The following GNAZ variants were observed in gnomAD, a reference collection of about 807,000 sequenced individuals.
The protein encoded by GNAZ is G protein subunit alpha z.
A neutral mutation model predicts 25.4 loss-of-function variants in GNAZ; 3 were observed. The ratio of observed to expected loss-of-function variants is 0.12; its 90% CI spans 0.05 to 0.30. The LOEUF (loss-of-function observed/expected upper bound fraction) is 0.30, where lower values mean the gene tolerates loss of function less well. Ranked by LOEUF, GNAZ falls within the 10% of genes least tolerant of loss-of-function variation. The pLI is 1.00. For missense variants in GNAZ, 241 were observed against 501.8 expected, an observed-to-expected ratio of 0.48 and a Z score of 4.97; for synonymous variants, 211 against 205.7, an observed-to-expected ratio of 1.03 and a Z score of -0.22.
Position 23,095,654 on chromosome 22 carries a change from C to A in GNAZ, c.-42C>A. On this transcript the variant is annotated 5_prime_UTR_variant, in exon 2 of 3. Transcript: ENST00000615612. ...TCCCCTGTGGCAAGAGGGAGAGGTG[C>A]CCCATCCCGTGCTCCTTGTCTGGGC... 1 of 1,558,984 alleles carries A rather than the reference C, an allele frequency of 6.4e-7. No homozygotes were observed. The highest frequency in any genetic ancestry group is 8.7e-7 in the Non-Finnish European group (1 of 1,154,828).
At chr22:23,082,526 G>GT (rs1447967189) in intron 1 of GNAZ, among the ~76,000 whole-genome samples, 3 of 151,814 alleles carry the variant, frequency 2.0e-5, no homozygotes, top group Admixed American at 2.0e-4. Flanking sequence ...GCCTCGTTGT[G>GT]TTTTTTTGTT....
chr22:23,095,950 C>G lies in GNAZ; in HGVS notation c.255C>G (p.Ile85Met). The change falls in exon 2 of 3, where the codon ATC becomes ATG. Residue 85 changes from isoleucine to methionine, a missense_variant. By Grantham distance (10) the Ile-to-Met change is conservative. Coordinates refer to ENST00000615612, the MANE Select transcript of GNAZ (RefSeq NM_002073.4). ...CCATCGACTCGCTGACCCGCATCAT[C>G]CGGGCCCTGGCCGCCCTCAGGATCG... ...YNAIDSLTRI[I>M]RALAALRIDF... The G allele has an allele frequency of 6.2e-7, 1 of 1,612,648 alleles. No homozygotes were observed. Among genetic ancestry groups the G allele is most frequent in the Non-Finnish European group, 8.5e-7 (1 of 1,180,040 alleles).
chr22:23,118,795 G>A (rs1279638865), intron 2 of GNAZ, among the ~76,000 whole-genome samples: 1 of 152,244 alleles, frequency 6.6e-6, no homozygotes, highest in Non-Finnish European at 1.5e-5. Flanking sequence ...CTCTACCCCA[G>A]TGGCCCACAG....
intron 1 of GNAZ, among the ~76,000 whole-genome samples, chr22:23,086,883 C>G (rs111638943): frequency 6.6e-6 from 1 of 152,174 alleles, no homozygotes; most frequent in South Asian, 2.1e-4. Context: ...GAGCTGCCAC[C>G]GAGGAGGCCC....
At chr22:23,094,255 G>A (rs1448032554) in intron 1 of GNAZ, among the ~76,000 whole-genome samples, 18 of 152,138 alleles carry the variant, frequency 1.2e-4, no homozygotes, top group Non-Finnish European at 2.6e-4. Context: ...GTGGGGCCTG[G>A]TGCCACCCTG....
chr22:23,113,193 G>A (rs1171529832), intron 2 of GNAZ, among the ~76,000 whole-genome samples: 3 of 152,204 alleles, frequency 2.0e-5, no homozygotes, highest in Non-Finnish European at 2.9e-5. Context: ...GTGTTCTGAC[G>A]TTGGCTAAAC....
chr22:23,078,637 A>G (rs1261547623), intron 1 of GNAZ, among the ~76,000 whole-genome samples: 5 of 152,190 alleles, frequency 3.3e-5, no homozygotes, highest in Non-Finnish European at 7.4e-5. Flanking sequence ...GTCCCCAGGG[A>G]CCACAGGGAA....
intron 1 of GNAZ, among the ~76,000 whole-genome samples, chr22:23,087,905 C>T (rs2068861527): frequency 6.6e-6 from 1 of 152,222 alleles, no homozygotes; most frequent in Non-Finnish European, 1.5e-5. Flanking sequence ...CCTTCAGCTG[C>T]ATGACTCCTA....
intron 2 of GNAZ, among the ~76,000 whole-genome samples, chr22:23,107,297 C>T (rs975295994): frequency 1.3e-5 from 2 of 152,180 alleles, no homozygotes; most frequent in African/African-American, 4.8e-5. Context: ...CTGTCGCTGG[C>T]CTGGGACCTA....
At chr22:23,074,625 G>A (rs1166524219) in intron 1 of GNAZ, among the ~76,000 whole-genome samples, 1 of 152,192 alleles carries the variant, frequency 6.6e-6, no homozygotes, top group African/African-American at 2.4e-5. Context: ...TCAAGGGTAG[G>A]TAGGATCAGA....
At position 23,095,929 on chromosome 22, in the gene GNAZ, C is replaced by T. The variant is rs41296233; in HGVS notation, c.234C>T (p.Ile78=). 13,548 of 1,613,260 alleles carry T rather than the reference C, an allele frequency of 8.4e-3. 95 individuals carry two copies. Among genetic ancestry groups the T allele is most frequent in the Middle Eastern group, 0.023 (140 of 6,062 alleles). The change falls in exon 2 of 3, where the codon ATC becomes ATT. Residue 78 remains isoleucine, a synonymous_variant. Transcript: ENST00000615612. The part of the protein sequence containing the change: ...EYKPLIIYNA[I]DSLTRIIRAL... ...AGCCCCTCATCATCTACAATGCCAT[C>T]GACTCGCTGACCCGCATCATCCGGG...
intron 2 of GNAZ, among the ~76,000 whole-genome samples, chr22:23,113,374 C>T (rs945753034): frequency 6.6e-6 from 1 of 152,222 alleles, no homozygotes; most frequent in East Asian, 1.9e-4. Flanking sequence ...CACACACTGG[C>T]TCCCAGCTGC....
intron 1 of GNAZ, among the ~76,000 whole-genome samples, chr22:23,085,075 A>G (rs1204191888): frequency 1.3e-5 from 2 of 152,160 alleles, no homozygotes; most frequent in Non-Finnish European, 2.9e-5. Flanking sequence ...GGCAGCTCTC[A>G]GGCTGGAACC....
intron 1 of GNAZ, among the ~76,000 whole-genome samples, chr22:23,077,005 A>G (rs1015455052): frequency 1.3e-5 from 2 of 152,078 alleles, no homozygotes; most frequent in African/African-American, 4.8e-5. Context: ...TCCTTATCTC[A>G]ACTCTGGAGT....
chr22:23,084,457 A>G (rs1035221035), intron 1 of GNAZ, among the ~76,000 whole-genome samples: 4 of 152,264 alleles, frequency 2.6e-5, no homozygotes, highest in Middle Eastern at 6.8e-3. Flanking sequence ...CACATTTTCA[A>G]CTTAGGATGG....
At chr22:23,073,170 T>C (rs1369798284) in intron 1 of GNAZ, among the ~76,000 whole-genome samples, 2 of 152,240 alleles carry the variant, frequency 1.3e-5, no homozygotes, top group African/African-American at 4.8e-5. Flanking sequence ...CTGCTGACCA[T>C]GGCAGGTGCA....
chr22:23,077,237 C>T (rs999664013), intron 1 of GNAZ, among the ~76,000 whole-genome samples: 3 of 152,184 alleles, frequency 2.0e-5, no homozygotes, highest in African/African-American at 7.2e-5. Context: ...GACACTGATG[C>T]TAACCCCTTA....
intron 2 of GNAZ, among the ~76,000 whole-genome samples, chr22:23,100,339 T>C (rs944709541): frequency 1.8e-4 from 28 of 152,230 alleles, no homozygotes; most frequent in African/African-American, 6.3e-4. Flanking sequence ...CCCACAGTAG[T>C]CACTTGGGCC....
chr22:23,077,031 G>C (rs1220994270), intron 1 of GNAZ, among the ~76,000 whole-genome samples: 1 of 152,218 alleles, frequency 6.6e-6, no homozygotes, highest in Non-Finnish European at 1.5e-5. Flanking sequence ...TCCAAAGCAT[G>C]CTGTGCTGAA....
Sources: gnomAD v4.1 joint callset for allele counts (sites outside exome capture counted in the v4.1 genomes callset) on GRCh38, gnomAD v4.1.1 for gene constraint, MANE v1.5 for transcripts, NCBI Gene and HGNC (gene_info 2026-07-23, HGNC 2026-07-21) for gene names.